NUP210L: variants seen among roughly 807,000 people sequenced by gnomAD.
NUP210L encodes the protein nuclear pore membrane glycoprotein 210-like.
Under a neutral mutation model 208.5 loss-of-function variants are expected in NUP210L, and 74 were observed. The observed-to-expected ratio is 0.35, with a 90% CI of 0.29 to 0.43. The LOEUF (loss-of-function observed/expected upper bound fraction) is 0.43, where lower values mean the gene tolerates loss of function less well. Ranked by LOEUF, NUP210L falls within the 20% of genes least tolerant of loss-of-function variation. The probability of loss-of-function intolerance (pLI) is 1.00; values close to 1 mark genes in which losing one functional copy is unlikely to be tolerated. For missense variants in NUP210L, 1,843 were observed against 2,289.4 expected (o/e 0.81, Z 3.98); for synonymous variants, 780 against 816.9 (o/e 0.95, Z 0.77).
intron 6 of NUP210L, among the ~76,000 whole-genome samples, 175 bp downstream of exon 6, chr1:154,137,931 T>C (rs1045135797): frequency 6.6e-6 from 1 of 152,160 alleles, no homozygotes; most frequent in Non-Finnish European, 1.5e-5. Flanking sequence ...ATGCCATTAA[T>C]ATGTTCAAGA....
chr1:154,115,395 T>C (rs954602023), intron 12 of NUP210L, among the ~76,000 whole-genome samples: 1 of 152,202 alleles, frequency 6.6e-6, no homozygotes, highest in African/African-American at 2.4e-5. Context: ...ACAGACAATA[T>C]GTAAATGAAT....
At chr1:154,056,695 G>T in intron 23 of NUP210L, 120 bp downstream of exon 23, 1 of 980,062 alleles carries the variant, frequency 1.0e-6, no homozygotes, top group Non-Finnish European at 1.5e-6. Context: ...TGCTCACATG[G>T]TGGTGTGAGC....
At chr1:154,138,472 T>C (rs1482180495) in intron 5 of NUP210L, among the ~76,000 whole-genome samples, 1 of 152,136 alleles carries the variant, frequency 6.6e-6, no homozygotes, top group Non-Finnish European at 1.5e-5. Context: ...AAAAAAGTCT[T>C]CTAAAAGAAA....
intron 25 of NUP210L, 111 bp from the exon 26 acceptor site, chr1:154,046,480 C>T (rs1653188182): frequency 3.5e-6 from 3 of 861,784 alleles, no homozygotes; most frequent in African/African-American, 1.7e-5. Context: ...AGTAAAAAAC[C>T]TTGCCCATGC....
intron 27 of NUP210L, among the ~76,000 whole-genome samples, chr1:154,040,507 T>C (rs1197668504): frequency 6.6e-6 from 1 of 151,988 alleles, no homozygotes; most frequent in Non-Finnish European, 1.5e-5. Context: ...CTTTTCATAG[T>C]CCCAGCAGCA....
chr1:154,104,086 G>A (rs975021704), exon 13 of NUP210L: 3 of 1,613,994 alleles, frequency 1.9e-6, no homozygotes, highest in Non-Finnish European at 2.5e-6. Context: ...GTCTGTGAAT[G>A]CCATGGCTTC....
chr1:154,013,068 T>TCCAA (rs1557913590), intron 33 of NUP210L, among the ~76,000 whole-genome samples: 1 of 126,514 alleles, frequency 7.9e-6, no homozygotes, highest in Non-Finnish European at 1.6e-5. Flanking sequence ...AGAGCGAGAC[T>TCCAA]CCAAAAAAAA....
Position 154,108,695 on chromosome 1 carries a change from C to A in NUP210L, c.1621-4485G>T, listed in dbSNP as rs566935389. Reference sequence around the variant, plus strand: ...ACAGAAGGAAGAGAAGACCACAAAACAACCAGAAAACAAATTAAAAATGGC... The same window carrying A: ...ACAGAAGGAAGAGAAGACCACAAAAAAACCAGAAAACAAATTAAAAATGGC... On this transcript the variant is annotated intron_variant, in intron 12 of 39. Transcript: ENST00000368559. Among the ~76,000 whole-genome samples the A allele has an allele frequency of 1.4e-3, 209 of 151,758 alleles. 7 individuals carry two copies. Among genetic ancestry groups the A allele is most frequent in the African/African-American group, 4.7e-3 (192 of 41,056 alleles).
chr1:154,073,245 T>C (rs1422098653), intron 16 of NUP210L, among the ~76,000 whole-genome samples: 2 of 152,142 alleles, frequency 1.3e-5, no homozygotes, highest in Non-Finnish European at 1.5e-5. Flanking sequence ...GCTGCAAGAA[T>C]TTTTTTATTT....
intron 27 of NUP210L, among the ~76,000 whole-genome samples, chr1:154,035,786 T>C (rs1354000822): frequency 6.6e-6 from 1 of 151,910 alleles, no homozygotes; most frequent in Non-Finnish European, 1.5e-5. Flanking sequence ...CAGGCTGGAG[T>C]GCAGTGGCAT....
intron 32 of NUP210L, among the ~76,000 whole-genome samples, chr1:154,021,319 T>C (rs1211214439): frequency 6.6e-6 from 1 of 152,080 alleles, no homozygotes; most frequent in East Asian, 1.9e-4. Flanking sequence ...GCCAACCCCT[T>C]GTATAAAAAA....
At chr1:154,066,922 A>G (rs1017770362) in intron 17 of NUP210L, among the ~76,000 whole-genome samples, 2 of 152,190 alleles carry the variant, frequency 1.3e-5, no homozygotes, top group African/African-American at 4.8e-5. Context: ...TAGACCAATA[A>G]CAGGCTCTGA....
intron 31 of NUP210L, among the ~76,000 whole-genome samples, chr1:154,022,659 A>G (rs1651632423): frequency 6.8e-6 from 1 of 146,784 alleles, no homozygotes; most frequent in Admixed American, 6.9e-5. Context: ...AACTAATACC[A>G]TTGCCTAAGT....
intron 3 of NUP210L, among the ~76,000 whole-genome samples, chr1:154,143,079 CCAGGAGGCTGAAG>C (rs1313911738): frequency 2.0e-5 from 3 of 150,854 alleles, no homozygotes; most frequent in Non-Finnish European, 4.4e-5. Context: ...TCCCAGCTAC[CCAGGAGGCTGAAG>C]CAGGAGAACT....
intron 12 of NUP210L, chr1:154,104,441 GAA>G: frequency 5.9e-6 from 3 of 509,250 alleles, no homozygotes; most frequent in South Asian, 2.2e-5. Flanking sequence ...GAAGGGGCAA[GAA>G]AAGAGTCTAG....
chr1:154,141,590 CAAGA>C (rs1658856358), intron 3 of NUP210L, 66 bp from the exon 4 acceptor site: 1 of 955,726 alleles, frequency 1.0e-6, no homozygotes, highest in Admixed American at 1.9e-5. Context: ...GTATTTACAA[CAAGA>C]AAGGGAAACC....
chr1:154,051,470 T>C (rs1168912487), intron 25 of NUP210L, among the ~76,000 whole-genome samples: 1 of 152,120 alleles, frequency 6.6e-6, no homozygotes, highest in Non-Finnish European at 1.5e-5. Flanking sequence ...TGCCTCAGCC[T>C]CCCAAAGTGC....
At chr1:154,113,892 G>A (rs1446379079) in intron 12 of NUP210L, among the ~76,000 whole-genome samples, 2 of 146,480 alleles carry the variant, frequency 1.4e-5, no homozygotes, top group African/African-American at 5.0e-5. Flanking sequence ...CGGGTGTGGT[G>A]GCTCACACCT....
At chr1:154,026,327 G>A (rs1557923869) in intron 29 of NUP210L, among the ~76,000 whole-genome samples, 1 of 152,118 alleles carries the variant, frequency 6.6e-6, no homozygotes, top group African/African-American at 2.4e-5. Flanking sequence ...ATTCACAATA[G>A]CCAAAAGGTG....
Sources: allele counts gnomAD v4.1 joint callset (sites outside exome capture counted in the v4.1 genomes callset), GRCh38; gene constraint gnomAD v4.1.1; transcripts MANE v1.5; gene names NCBI Gene and HGNC (gene_info 2026-07-23, HGNC 2026-07-21).